The following VEGFC variants were observed in gnomAD, a reference collection of about 807,000 sequenced individuals.
The protein encoded by VEGFC is vascular endothelial growth factor C.
In VEGFC, 12 loss-of-function variants were observed where a neutral mutation model predicts 46.1. The ratio of observed to expected loss-of-function variants is 0.26; its 90% CI spans 0.17 to 0.42. The LOEUF is 0.42. Among genes scored for constraint, VEGFC ranks in the 10% least tolerant of loss-of-function variants. VEGFC has a pLI of 1.00. For synonymous variants in VEGFC, 232 were observed against 195.5 expected (o/e 1.19, Z -1.56); for missense variants, 488 against 529.4 (o/e 0.92, Z 0.77).
chr4:176,758,340 C>A (rs2110905840), intron 1 of VEGFC, among the ~76,000 whole-genome samples: 1 of 152,256 alleles, frequency 6.6e-6, no homozygotes, highest in African/African-American at 2.4e-5. Flanking sequence ...AGGTTTGCCA[C>A]ACTTCAGTCA....
At chr4:176,732,485 T>TATC (rs1734984805) in intron 1 of VEGFC, among the ~76,000 whole-genome samples, 1 of 151,826 alleles carries the variant, frequency 6.6e-6, no homozygotes, top group Non-Finnish European at 1.5e-5. Context: ...AGTAGAAAGA[T>TATC]ATCACTAAAA....
chr4:176,765,233 T>G (rs1348491424), intron 1 of VEGFC, among the ~76,000 whole-genome samples: 1 of 151,558 alleles, frequency 6.6e-6, no homozygotes, highest in Non-Finnish European at 1.5e-5. Flanking sequence ...AAAGGATTAG[T>G]GAACTGGAAG....
intron 1 of VEGFC, among the ~76,000 whole-genome samples, chr4:176,751,908 C>A (rs1735347822): frequency 6.6e-6 from 1 of 151,642 alleles, no homozygotes; most frequent in Admixed American, 6.6e-5. Flanking sequence ...TAGAGCCCCA[C>A]CATGGGTCCC....
intron 3 of VEGFC, 122 bp downstream of exon 3, chr4:176,727,656 T>TAA (rs386402404): frequency 1.2e-6 from 1 of 858,890 alleles, no homozygotes; most frequent in Non-Finnish European, 1.6e-6. Context: ...CTAAAGAAAA[T>TAA]ATGAGACCCT....
intron 4 of VEGFC, among the ~76,000 whole-genome samples, chr4:176,710,181 G>A (rs1437585587): frequency 1.3e-5 from 2 of 152,120 alleles, no homozygotes; most frequent in African/African-American, 4.8e-5. Flanking sequence ...CAAAAATATG[G>A]TTAGATCTTC....
intron 4 of VEGFC, among the ~76,000 whole-genome samples, chr4:176,692,643 C>T (rs1025139359): frequency 6.9e-6 from 1 of 145,020 alleles, no homozygotes; most frequent in Non-Finnish European, 1.5e-5. Flanking sequence ...AGGAGGCCTG[C>T]CTGCCTCTGT....
intron 3 of VEGFC, among the ~76,000 whole-genome samples, chr4:176,727,512 T>G (rs1456877317): frequency 1.3e-5 from 2 of 152,120 alleles, no homozygotes; most frequent in African/African-American, 2.4e-5. Context: ...CATACATACG[T>G]ATATTTATTG....
intron 1 of VEGFC, among the ~76,000 whole-genome samples, chr4:176,770,945 T>G (rs1735711058): frequency 6.6e-6 from 1 of 150,556 alleles, no homozygotes. Flanking sequence ...AACCTACTAC[T>G]GTCTTTCATT....
chr4:176,755,530 T>C (rs1735418086), intron 1 of VEGFC, among the ~76,000 whole-genome samples: 1 of 151,964 alleles, frequency 6.6e-6, no homozygotes, highest in African/African-American at 2.4e-5. Context: ...TCCTGTCTCA[T>C]TTTACCATTT....
intron 1 of VEGFC, among the ~76,000 whole-genome samples, chr4:176,764,428 G>C (rs1735582550): frequency 6.6e-6 from 1 of 152,048 alleles, no homozygotes; most frequent in African/African-American, 2.4e-5. Flanking sequence ...GAGAAATGAG[G>C]TTCCCTGATA....
At chr4:176,760,633 A>G (rs1356857928) in intron 1 of VEGFC, among the ~76,000 whole-genome samples, 3 of 152,160 alleles carry the variant, frequency 2.0e-5, no homozygotes, top group Non-Finnish European at 2.9e-5. Flanking sequence ...TCCCCCTCAC[A>G]TATCTATGCC....
At chr4:176,756,327 A>G (rs1479324549) in intron 1 of VEGFC, among the ~76,000 whole-genome samples, 1 of 152,092 alleles carries the variant, frequency 6.6e-6, no homozygotes, top group Non-Finnish European at 1.5e-5. Context: ...AATTTCTACT[A>G]AAGAAGTAGA....
At chr4:176,736,443 T>G (rs1735055558) in intron 1 of VEGFC, among the ~76,000 whole-genome samples, 1 of 144,774 alleles carries the variant, frequency 6.9e-6, no homozygotes, top group Admixed American at 7.2e-5. Context: ...GAGTACATCA[T>G]TTCCTCTCAC....
At chr4:176,687,148 T>C in intron 6 of VEGFC, 39 bp downstream of exon 6, 1 of 1,570,658 alleles carries the variant, frequency 6.4e-7, no homozygotes, top group Non-Finnish European at 8.6e-7. Context: ...AGCATATTTC[T>C]AGTAAGATAA....
chr4:176,752,626 C>T (rs1735360008), intron 1 of VEGFC, among the ~76,000 whole-genome samples: 1 of 151,986 alleles, frequency 6.6e-6, no homozygotes, highest in Non-Finnish European at 1.5e-5. Context: ...TTAAAATTTC[C>T]CATGTAAGAT....
At chr4:176,759,571 A>G (rs532041359) in intron 1 of VEGFC, among the ~76,000 whole-genome samples, 1 of 152,222 alleles carries the variant, frequency 6.6e-6, no homozygotes, top group South Asian at 2.1e-4. Context: ...ACTATGGTAA[A>G]TAATAATAGA....
intron 4 of VEGFC, among the ~76,000 whole-genome samples, chr4:176,704,148 G>C (rs538783068): frequency 1.3e-5 from 2 of 152,140 alleles, no homozygotes; most frequent in South Asian, 2.1e-4. Context: ...CTCTCTCTCT[G>C]TTGTTATTCC....
intron 1 of VEGFC, among the ~76,000 whole-genome samples, chr4:176,756,310 C>T (rs1462715131): frequency 6.6e-6 from 1 of 151,950 alleles, no homozygotes; most frequent in Non-Finnish European, 1.5e-5. Flanking sequence ...CACTTTAAAG[C>T]TTCTGGAATT....
At chr4:176,700,454 T>G (rs1734408315) in intron 4 of VEGFC, among the ~76,000 whole-genome samples, 1 of 152,098 alleles carries the variant, frequency 6.6e-6, no homozygotes, top group South Asian at 2.1e-4. Context: ...TTTTTTCCTT[T>G]TTGTCTGAGT....
Sources: gnomAD v4.1 joint callset for allele counts (sites outside exome capture counted in the v4.1 genomes callset) on GRCh38, gnomAD v4.1.1 for gene constraint, MANE v1.5 for transcripts, NCBI Gene and HGNC (gene_info 2026-07-23, HGNC 2026-07-21) for gene names.